The following PEBP4 variants were observed in gnomAD, a reference collection of about 807,000 sequenced individuals.
The protein encoded by PEBP4 is phosphatidylethanolamine binding protein 4, also known as phosphatidylethanolamine-binding protein 4.
A neutral mutation model predicts 23.9 loss-of-function variants in PEBP4; 22 were observed. The observed-to-expected ratio is 0.92, with a 90% CI of 0.66 to 1.31. The LOEUF (loss-of-function observed/expected upper bound fraction) is 1.31, where lower values mean the gene tolerates loss of function less well. PEBP4 is among the 40% of genes most tolerant of loss of function. The pLI is 0.00. For synonymous variants in PEBP4, 112 were observed against 99.3 expected (o/e 1.13, Z -0.76); for missense variants, 324 against 281.7 (o/e 1.15, Z -1.07).
chr8:22,917,631 G>GC (rs113832040), intron 3 of PEBP4, among the ~76,000 whole-genome samples: 28,966 of 152,042 alleles, frequency 0.19, 2,952 homozygotes, highest in Non-Finnish European at 0.23. Flanking sequence ...CATAGGACCT[G>GC]CCTTGCATTT....
rs565180454 is a variant in PEBP4, at chr8:22,755,997, A to G, written c.358-28777T>C. On this transcript the variant is annotated intron_variant, in intron 4 of 6. Transcript: ENST00000256404. ...AGCTCCTGCAATGCCTCCAACGGGG[A>G]CACAACTAAAGGTGCTCGCTAAATA... 7.2e-5 allele frequency: 11 copies of G among 152,380 alleles called. No homozygotes were observed. In the East Asian group the frequency reaches 1.9e-3, roughly 27 times the overall value. 9.4% of individuals were successfully genotyped at this position (152,380 alleles called of 1,614,324 possible). A position where few individuals can be genotyped will look rare whatever the true frequency, so the allele number is the denominator to read the frequency against.
intron 3 of PEBP4, among the ~76,000 whole-genome samples, chr8:22,833,445 C>T (rs929999814): frequency 2.0e-5 from 3 of 152,206 alleles, no homozygotes; most frequent in Non-Finnish European, 4.4e-5. Context: ...GAGTCTTCTG[C>T]CTCGGCCTCC....
At chr8:22,730,091 T>C (rs1804700555) in intron 4 of PEBP4, among the ~76,000 whole-genome samples, 1 of 152,224 alleles carries the variant, frequency 6.6e-6, no homozygotes, top group Non-Finnish European at 1.5e-5. Flanking sequence ...AGTGCCATCC[T>C]GTGCTCTTTC....
Position 22,724,784 on chromosome 8 carries a change from G to A in PEBP4, c.517+59C>T, listed in dbSNP as rs1804589198. 3.8e-6 allele frequency: 5 copies of A among 1,331,740 alleles called. No individual in the cohort carries two copies. The South Asian group carries it at 6.0e-5, about 16-fold the overall frequency. The allele number at this position is 1,331,740 out of a possible 1,614,324, so 82.5% of individuals were successfully genotyped here. A position where few individuals can be genotyped will look rare whatever the true frequency, so the allele number is the denominator to read the frequency against. On this transcript the variant is annotated intron_variant, in intron 6 of 6. Transcript: ENST00000256404. ...CCCAATTTCCCCGTAAATGCCTGAA[G>A]CGTTTGTTCCACCCCAGAATTCACC...
intron 3 of PEBP4, among the ~76,000 whole-genome samples, chr8:22,854,990 G>T (rs1585308126): frequency 6.9e-6 from 1 of 145,468 alleles, no homozygotes; most frequent in African/African-American, 2.6e-5. Context: ...GTGTATGTGT[G>T]AGTATGCACG....
chr8:22,730,747 TGTCGA>T (rs1369215057), intron 4 of PEBP4, among the ~76,000 whole-genome samples: 1 of 152,162 alleles, frequency 6.6e-6, no homozygotes, highest in Non-Finnish European at 1.5e-5. Flanking sequence ...ACACCACTCC[TGTCGA>T]GTCTGAGAAG....
chr8:22,782,900 C>T (rs1004309688), intron 4 of PEBP4, among the ~76,000 whole-genome samples: 19 of 152,298 alleles, frequency 1.2e-4, no homozygotes, highest in Admixed American at 5.9e-4. Flanking sequence ...GGACTCCTGG[C>T]GTTTGCTTCT....
intron 4 of PEBP4, among the ~76,000 whole-genome samples, chr8:22,781,850 G>C (rs1212837200): frequency 1.3e-5 from 2 of 152,190 alleles, no homozygotes; most frequent in Admixed American, 6.5e-5. Context: ...TGGGGAAGAG[G>C]GGGAGCCAAC....
chr8:22,920,150 G>A, intron 3 of PEBP4, 34 bp downstream of exon 3: 1 of 1,590,524 alleles, frequency 6.3e-7, no homozygotes, highest in Non-Finnish European at 8.6e-7. Context: ...ACCCCCAACT[G>A]TCCCCCCGCT....
At chr8:22,758,306 T>C (rs745701505) in intron 4 of PEBP4, 1 of 152,242 alleles carries the variant, frequency 6.6e-6, no homozygotes, top group African/African-American at 2.4e-5. Flanking sequence ...TGAATGTTCC[T>C]GGGTGGCCCC....
At chr8:22,884,187 G>A (rs901720673) in intron 3 of PEBP4, 3 of 152,200 alleles carry the variant, frequency 2.0e-5, no homozygotes. Context: ...CCCACACAGA[G>A]AGCAGACACA....
At chr8:22,777,229 C>T (rs996381761) in intron 4 of PEBP4, among the ~76,000 whole-genome samples, 1 of 152,144 alleles carries the variant, frequency 6.6e-6, no homozygotes, top group Non-Finnish European at 1.5e-5. Flanking sequence ...CCCCTGAGTT[C>T]CCCCTCCTCT....
chr8:22,849,474 A>C (rs1424444440), intron 3 of PEBP4, among the ~76,000 whole-genome samples: 2 of 152,194 alleles, frequency 1.3e-5, no homozygotes, highest in African/African-American at 4.8e-5. Flanking sequence ...AAGACATGGC[A>C]ACTTGGTATT....
At chr8:22,936,190 C>A (rs1243689872) in intron 1 of PEBP4, among the ~76,000 whole-genome samples, 2 of 151,614 alleles carry the variant, frequency 1.3e-5, no homozygotes, top group Non-Finnish European at 2.9e-5. Flanking sequence ...AATTAAAAAA[C>A]AGAGAAGACT....
chr8:22,859,495 G>A (rs1318842843), intron 3 of PEBP4, among the ~76,000 whole-genome samples: 1 of 152,158 alleles, frequency 6.6e-6, no homozygotes, highest in Non-Finnish European at 1.5e-5. Context: ...TCTGGCCCAG[G>A]TGAGATGAGC....
chr8:22,751,173 C>T (rs868344187), intron 4 of PEBP4, among the ~76,000 whole-genome samples: 7 of 152,250 alleles, frequency 4.6e-5, no homozygotes, highest in African/African-American at 1.4e-4. Context: ...GGTCAAGCCC[C>T]GTGCTTCTGG....
chr8:22,747,462 C>T (rs1486517760), intron 4 of PEBP4: 1 of 152,202 alleles, frequency 6.6e-6, no homozygotes. Flanking sequence ...GTCTCTGTGG[C>T]CTCTTCAGTA....
At chr8:22,809,336 A>G (rs1424727204) in intron 4 of PEBP4, among the ~76,000 whole-genome samples, 1 of 152,198 alleles carries the variant, frequency 6.6e-6, no homozygotes, top group Non-Finnish European at 1.5e-5. Flanking sequence ...GCCCCGGTCC[A>G]GGGCTGTGCA....
chr8:22,799,894 C>T (rs145498723), intron 4 of PEBP4, among the ~76,000 whole-genome samples: 33 of 152,344 alleles, frequency 2.2e-4, no homozygotes, highest in African/African-American at 7.5e-4. Context: ...GCTATAAAGA[C>T]ACATGCACAT....
Sources: gnomAD v4.1 joint callset for allele counts (sites outside exome capture counted in the v4.1 genomes callset) on GRCh38, gnomAD v4.1.1 for gene constraint, MANE v1.5 for transcripts, NCBI Gene and HGNC (gene_info 2026-07-23, HGNC 2026-07-21) for gene names.